HDAC8: variants seen among roughly 807,000 people sequenced by gnomAD.
HDAC8 encodes the protein histone deacetylase 8.
Under a neutral mutation model 32.2 loss-of-function variants are expected in HDAC8, and 1 was observed. The observed-to-expected ratio is 0.03, with a 90% CI of 0.01 to 0.15. The LOEUF (loss-of-function observed/expected upper bound fraction) is 0.15, where lower values mean the gene tolerates loss of function less well. Among genes scored for constraint, HDAC8 ranks in the 10% least tolerant of loss-of-function variants. HDAC8 has a pLI of 1.00. For missense variants in HDAC8, 117 were observed against 300.0 expected (o/e 0.39, Z 4.51); for synonymous variants, 108 against 113.9 (o/e 0.95, Z 0.33).
At chrX:72,552,608 C>A (rs1263023080) in intron 4 of HDAC8, among the ~76,000 whole-genome samples, 1 of 106,627 alleles carries the variant, frequency 9.4e-6, no homozygotes, top group Admixed American at 1.0e-4. Flanking sequence ...GAATGAAACT[C>A]CGTTTCAAAA....
intron 4 of HDAC8, among the ~76,000 whole-genome samples, chrX:72,517,979 T>C (rs1420602382): frequency 8.9e-6 from 1 of 111,929 alleles, no homozygotes; most frequent in Non-Finnish European, 1.9e-5. Flanking sequence ...TCGGGAGTAT[T>C]GCCATCTTAA....
At chrX:72,333,496 C>A (rs1230983535) in intron 10 of HDAC8, among the ~76,000 whole-genome samples, 2 of 110,962 alleles carry the variant, frequency 1.8e-5, no homozygotes, top group Non-Finnish European at 3.8e-5. Flanking sequence ...TGAGACCAGC[C>A]TGACCAACAT....
At chrX:72,417,737 C>T (rs782117609) in intron 9 of HDAC8, among the ~76,000 whole-genome samples, 67 of 111,576 alleles carry the variant, frequency 6.0e-4, no homozygotes, top group Non-Finnish European at 1.2e-3. Context: ...TCATGTAAAT[C>T]CAAAAAGGAG....
intron 4 of HDAC8, among the ~76,000 whole-genome samples, chrX:72,550,563 A>C (rs1490050894): frequency 4.5e-5 from 5 of 110,156 alleles, no homozygotes; most frequent in Admixed American, 9.8e-5. Context: ...ACACACACAC[A>C]CCCCAGAACA....
chrX:72,476,923 G>A (rs942519575), intron 7 of HDAC8, among the ~76,000 whole-genome samples: 16 of 111,620 alleles, frequency 1.4e-4, no homozygotes, highest in African/African-American at 5.2e-4. Context: ...AAATTTCATC[G>A]TGTCACTGCC....
intron 9 of HDAC8, among the ~76,000 whole-genome samples, chrX:72,404,723 T>G (rs1221391394): frequency 9.0e-6 from 1 of 111,617 alleles, no homozygotes; most frequent in Non-Finnish European, 1.9e-5. Flanking sequence ...TCATTGCTTA[T>G]TGAGAAGTCA....
chrX:72,564,336 C>T (rs1234714169), intron 4 of HDAC8, among the ~76,000 whole-genome samples: 1 of 112,174 alleles, frequency 8.9e-6, no homozygotes, highest in Non-Finnish European at 1.9e-5. Flanking sequence ...TAATACAAGC[C>T]TATTACACTT....
At chrX:72,521,288 C>G in intron 4 of HDAC8, among the ~76,000 whole-genome samples, 1 of 110,877 alleles carries the variant, frequency 9.0e-6, no homozygotes, top group Non-Finnish European at 1.9e-5. Context: ...TCCCTTTTTC[C>G]CCCTCTCTCT....
chrX:72,389,996 C>T (rs911701358), intron 9 of HDAC8, among the ~76,000 whole-genome samples: 17 of 111,312 alleles, frequency 1.5e-4, no homozygotes, highest in Admixed American at 1.5e-3. Context: ...TTTATGGGTA[C>T]AGTGTGATAT....
chrX:72,560,114 AC>A (rs1272416835), intron 4 of HDAC8, among the ~76,000 whole-genome samples: 4 of 112,628 alleles, frequency 3.6e-5, no homozygotes, highest in African/African-American at 1.3e-4. Context: ...GGTTTTGTCG[AC>A]TAGAAAAGGG....
At chrX:72,531,193 A>T (rs782580608) in intron 4 of HDAC8, among the ~76,000 whole-genome samples, 9 of 112,287 alleles carry the variant, frequency 8.0e-5, no homozygotes, top group Non-Finnish European at 5.6e-5. Context: ...TAGCCAATGG[A>T]TCTGATTTCT....
intron 9 of HDAC8, among the ~76,000 whole-genome samples, chrX:72,362,763 T>C (rs1278780195): frequency 8.9e-6 from 1 of 112,407 alleles, no homozygotes; most frequent in African/African-American, 3.2e-5. Context: ...AAAATTGGAT[T>C]TCTTTACAAA....
chrX:72,467,087 T>C (rs151337707), intron 7 of HDAC8: 12 of 110,900 alleles, frequency 1.1e-4, no homozygotes, highest in Admixed American at 3.9e-4. Flanking sequence ...AGGCGTAGCA[T>C]GAGGGAACCT....
chrX:72,525,580 A>G (rs897739959), intron 4 of HDAC8, among the ~76,000 whole-genome samples: 12 of 110,039 alleles, frequency 1.1e-4, no homozygotes, highest in East Asian at 2.9e-4. Context: ...TTGGGAGGCC[A>G]AGGCGGGTGG....
intron 4 of HDAC8, among the ~76,000 whole-genome samples, chrX:72,547,017 T>C (rs1556057187): frequency 9.0e-6 from 1 of 111,110 alleles, no homozygotes; most frequent in Non-Finnish European, 1.9e-5. Context: ...ACCCTTACTT[T>C]CCCTTGACCA....
chrX:72,548,537 C>T (rs1252635707), intron 4 of HDAC8, among the ~76,000 whole-genome samples: 3 of 111,643 alleles, frequency 2.7e-5, no homozygotes, highest in Non-Finnish European at 3.8e-5. Flanking sequence ...AAATGTTGTT[C>T]TGGCCTTCTG....
intron 9 of HDAC8, among the ~76,000 whole-genome samples, chrX:72,407,334 C>G (rs1408189068): frequency 1.8e-5 from 2 of 112,077 alleles, no homozygotes; most frequent in East Asian, 5.6e-4. Flanking sequence ...CGGGGAGGAG[C>G]CTGGTCCCTA....
chrX:72,363,739 A>AT (rs1307538551), intron 9 of HDAC8, among the ~76,000 whole-genome samples: 6 of 110,768 alleles, frequency 5.4e-5, no homozygotes, highest in African/African-American at 2.0e-4. Context: ...ACCCAGCTAA[A>AT]TTTTTTGTAT....
At chrX:72,402,104 G>A (rs2045917005) in intron 9 of HDAC8, among the ~76,000 whole-genome samples, 1 of 111,173 alleles carries the variant, frequency 9.0e-6, no homozygotes, top group South Asian at 3.8e-4. Context: ...GTGTTTCTAG[G>A]TATTTGTCCA....
Sources: gnomAD v4.1 joint callset for allele counts (sites outside exome capture counted in the v4.1 genomes callset) on GRCh38, gnomAD v4.1.1 for gene constraint, MANE v1.5 for transcripts, NCBI Gene and HGNC (gene_info 2026-07-23, HGNC 2026-07-21) for gene names.